IL1R1: variants seen among roughly 807,000 people sequenced by gnomAD.
The protein encoded by IL1R1 is interleukin 1 receptor type 1, also known as interleukin-1 receptor type 1.
In IL1R1, 22 loss-of-function variants were observed where a neutral mutation model predicts 50.2. That is an observed-to-expected ratio of 0.44 (90% CI 0.31 to 0.63). The LOEUF is 0.63. IL1R1 is among the 20% of genes least tolerant of loss of function. The pLI, the probability that IL1R1 is intolerant of heterozygous loss-of-function variation, is 0.07. For synonymous variants in IL1R1, 251 were observed against 236.7 expected (o/e 1.06, Z -0.55); for missense variants, 509 against 676.2 (o/e 0.75, Z 2.74).
intron 1 of IL1R1, among the ~76,000 whole-genome samples, chr2:102,136,688 T>A (rs1682364929): frequency 6.6e-6 from 1 of 152,170 alleles, no homozygotes; most frequent in African/African-American, 2.4e-5. Context: ...ATAACAGTAA[T>A]TCTTGATGGA....
intron 2 of IL1R1, among the ~76,000 whole-genome samples, 187 bp downstream of exon 2, chr2:102,154,204 G>A (rs906446047): frequency 4.6e-5 from 7 of 152,162 alleles, no homozygotes; most frequent in African/African-American, 1.7e-4. Flanking sequence ...GGAGGCTTCA[G>A]CCCCAGTAAC....
intron 1 of IL1R1, among the ~76,000 whole-genome samples, chr2:102,125,095 G>C (rs943839956): frequency 1.2e-4 from 18 of 152,110 alleles, no homozygotes; most frequent in Admixed American, 6.6e-5. Context: ...CACCCTTGCG[G>C]CTTGCCAGGC....
At chr2:102,097,159 A>G (rs779643065) in intron 1 of IL1R1, among the ~76,000 whole-genome samples, 5 of 152,116 alleles carry the variant, frequency 3.3e-5, no homozygotes, top group Non-Finnish European at 7.4e-5. Context: ...TGGTGACTTT[A>G]TCGGGGATCG....
chr2:102,173,677 A>G (rs1473725336), intron 9 of IL1R1, among the ~76,000 whole-genome samples: 1 of 152,214 alleles, frequency 6.6e-6, no homozygotes, highest in Non-Finnish European at 1.5e-5. Context: ...CCCCAAATGA[A>G]TCTATGGATT....
intron 9 of IL1R1, among the ~76,000 whole-genome samples, chr2:102,174,030 A>G (rs1443730018): frequency 6.6e-6 from 1 of 152,216 alleles, no homozygotes; most frequent in African/African-American, 2.4e-5. Context: ...GGATGCTTTT[A>G]CATGGTTCCT....
Position 102,108,638 on chromosome 2 carries a change from T to TA in IL1R1, c.-84+3775dup, listed in dbSNP as rs987001695. On this transcript the variant is annotated intron_variant, in intron 1 of 10. Transcript: ENST00000409329. Reference sequence around the variant, plus strand: ...ATTCCAAAAAGGCACCCCAGAAGATTAAAAAAAAACCTAAATGGAGCTTTT... The same window carrying TA: ...ATTCCAAAAAGGCACCCCAGAAGATTAAAAAAAAAACCTAAATGGAGCTTTT... 4.0e-5 allele frequency among the ~76,000 whole-genome samples: 6 copies of TA among 151,388 alleles called. No homozygotes were observed. The East Asian group carries it at 5.8e-4, about 15-fold the overall frequency.
At chr2:102,149,420 C>G (rs1047776661) in intron 1 of IL1R1, among the ~76,000 whole-genome samples, 5 of 152,220 alleles carry the variant, frequency 3.3e-5, no homozygotes, top group African/African-American at 1.2e-4. Context: ...TTACTGCCGT[C>G]TGTTCTCTCC....
At chr2:102,116,676 A>G (rs1681092891) in intron 1 of IL1R1, among the ~76,000 whole-genome samples, 1 of 152,214 alleles carries the variant, frequency 6.6e-6, no homozygotes, top group Non-Finnish European at 1.5e-5. Flanking sequence ...TGTGTTAGCA[A>G]TGTTAGAGGA....
intron 1 of IL1R1, among the ~76,000 whole-genome samples, chr2:102,093,135 G>A (rs1014282155): frequency 6.6e-6 from 1 of 152,106 alleles, no homozygotes; most frequent in East Asian, 1.9e-4. Context: ...AGTAACTCAC[G>A]TAGAACGTTT....
Position 102,178,329 on chromosome 2 carries a change from G to T in IL1R1, c.*1570G>T, listed in dbSNP as rs201397351. 6.6e-6 allele frequency: 1 copy of T among 152,274 alleles called. No homozygotes were observed. The highest frequency in any genetic ancestry group is 2.4e-5 in the African/African-American group (1 of 41,408). The allele number at this position is 152,274 out of a possible 1,614,324, so 9.4% of individuals were successfully genotyped here. ...GCTCTCTGAGGGAGAGGCTGTGGTGGCTGTCTCTGTCCCTCACTGCCTTCC... is the reference window on the plus strand; with the variant it reads ...GCTCTCTGAGGGAGAGGCTGTGGTGTCTGTCTCTGTCCCTCACTGCCTTCC... On this transcript the variant is annotated 3_prime_UTR_variant, in exon 12 of 12. Coordinates refer to ENST00000410023, the MANE Select transcript of IL1R1 (RefSeq NM_000877.4).
rs560745476 is a variant in IL1R1 at position 102,174,737 on chromosome 2, T to C, written c.1135+7T>C. On this transcript the variant is annotated splice_region_variant and intron_variant, in intron 10 of 11. Coordinates refer to ENST00000410023, the MANE Select transcript of IL1R1 (RefSeq NM_000877.4). ...GATTTTCTCCCAATAAAAGGTATAATTTTGTATTCCATGCAGTATTTCTTG... is the reference window on the plus strand; with the variant it reads ...GATTTTCTCCCAATAAAAGGTATAACTTTGTATTCCATGCAGTATTTCTTG... The C allele has an allele frequency of 6.2e-7, 1 of 1,603,404 alleles. No individual in the cohort carries two copies. Among genetic ancestry groups the C allele is most frequent in the South Asian group, 1.1e-5 (1 of 89,144 alleles).
Position 102,177,818 on chromosome 2 carries a change from C to T in IL1R1, c.*1059C>T, listed in dbSNP as rs3732133. ...GGAGGAACAGCTCCCTAGTGGCTTC[C>T]TCCGTCTGCAATGTCCCTTGCACAG... is the stretch of plus-strand genomic sequence containing the variant. On this transcript the variant is annotated 3_prime_UTR_variant, in exon 12 of 12. Transcript: ENST00000410023. 1,932 of 152,494 alleles carry T rather than the reference C, an allele frequency of 0.013. 55 individuals are homozygous for T. Among genetic ancestry groups the T allele is most frequent in the South Asian group, 0.12 (580 of 4,824 alleles). 9.4% of individuals were successfully genotyped at this position (152,494 alleles called of 1,614,324 possible).
At chr2:102,111,017 A>G (rs1680730660) in intron 1 of IL1R1, among the ~76,000 whole-genome samples, 1 of 152,220 alleles carries the variant, frequency 6.6e-6, no homozygotes, top group South Asian at 2.1e-4. Context: ...GAAGCAGAGC[A>G]TAAAAACCCA....
chr2:102,166,732 G>T (rs985175321), intron 6 of IL1R1, among the ~76,000 whole-genome samples: 1 of 152,126 alleles, frequency 6.6e-6, no homozygotes, highest in African/African-American at 2.4e-5. Flanking sequence ...TTCTGTGTTA[G>T]GTGTTAACCT....
rs142106755 is a variant in IL1R1 at position 102,151,546 on chromosome 2, G to T, written c.-83-2395G>T. Among the ~76,000 whole-genome samples, 8 of 152,328 alleles carry T rather than the reference G, an allele frequency of 5.3e-5. No homozygotes were observed. In the East Asian group the frequency reaches 1.5e-3, roughly 29 times the overall value. On this transcript the variant is annotated intron_variant, in intron 1 of 11. Coordinates refer to ENST00000410023, the MANE Select transcript of IL1R1 (RefSeq NM_000877.4). ...TGGGCCTCCTCATGGGTGTGGGAGA[G>T]GGGAGGGTCTGCTCTGCACTGCTTT...
rs12613301 is a variant in IL1R1 at position 102,142,921 on chromosome 2, A to T, written c.-183A>T. On this transcript the variant is annotated 5_prime_UTR_variant, in exon 1 of 12. Coordinates refer to ENST00000410023, the MANE Select transcript of IL1R1 (RefSeq NM_000877.4). ...GTGACAATCGCGCGCCCGCGCACCG[A>T]AGCACTCCTCGCTCGGCTCCTAGGG... The T allele has an allele frequency of 0.39, 59,466 of 151,668 alleles. 12,475 individuals are homozygous for T. The highest frequency in any genetic ancestry group is 0.46 in the Admixed American group (6,976 of 15,250). 9.4% of individuals were successfully genotyped at this position (151,668 alleles called of 1,614,324 possible).
intron 6 of IL1R1, among the ~76,000 whole-genome samples, chr2:102,168,248 C>A (rs989522638): frequency 5.3e-5 from 8 of 152,190 alleles, no homozygotes; most frequent in Admixed American, 4.6e-4. Flanking sequence ...GCCAATAACA[C>A]CCAATTCAAG....
chr2:102,172,956 G>A (rs1356763239), intron 9 of IL1R1, 118 bp downstream of exon 9: 2 of 678,920 alleles, frequency 2.9e-6, no homozygotes, highest in Non-Finnish European at 5.0e-6. Context: ...CATTACTTGG[G>A]TAACTTCTAT....
rs201085481 is a variant in IL1R1, at chr2:102,174,642, T to G, written c.1047T>G (p.Ile349Met). ...TATGTGTCACGTTGACAGTCATAAT[T>G]GTGTGTTCTGTTTTCATCTATAAAA... is the stretch of plus-strand genomic sequence containing the variant. Reference protein sequence around the residue: ...IGICVTLTVIIVCSVFIYKIF... With the variant: ...IGICVTLTVIMVCSVFIYKIF... The change falls in exon 10 of 12, where the codon ATT becomes ATG. Residue 349 changes from isoleucine to methionine, a missense_variant. Physicochemically the swap from Ile to Met is conservative, Grantham distance 10. Coordinates refer to ENST00000410023, the MANE Select transcript of IL1R1 (RefSeq NM_000877.4). 4.3e-5 allele frequency: 70 copies of G among 1,612,006 alleles called. No homozygotes were observed. The highest frequency in any genetic ancestry group is 5.7e-5 in the Non-Finnish European group (67 of 1,179,014).
Sources: gnomAD v4.1 joint callset for allele counts (sites outside exome capture counted in the v4.1 genomes callset) on GRCh38, gnomAD v4.1.1 for gene constraint, MANE v1.5 for transcripts, NCBI Gene and HGNC (gene_info 2026-07-23, HGNC 2026-07-21) for gene names.